The following PARP8 variants were observed in gnomAD, a reference collection of about 807,000 sequenced individuals.
PARP8 encodes protein mono-ADP-ribosyltransferase PARP8.
Under a neutral mutation model 124.1 loss-of-function variants are expected in PARP8, and 51 were observed. The observed-to-expected ratio is 0.41, with a 90% CI of 0.33 to 0.52. The LOEUF (loss-of-function observed/expected upper bound fraction) is 0.52. PARP8 is among the 20% of genes least tolerant of loss of function. PARP8 has a pLI of 0.21. For missense variants in PARP8, 860 were observed against 1,018.9 expected (o/e 0.84, Z 2.12); for synonymous variants, 391 against 361.5 (o/e 1.08, Z -0.93).
intron 3 of PARP8, among the ~76,000 whole-genome samples, chr5:50,754,321 A>G (rs770242813): frequency 6.6e-6 from 1 of 151,126 alleles, no homozygotes; most frequent in Non-Finnish European, 1.5e-5. Flanking sequence ...TCCTAATGCT[A>G]TCCCTCCCCC....
chr5:50,842,045 G>T lies in PARP8; in HGVS notation c.2542G>T (p.Gly848Cys). Reference sequence around the variant, plus strand: ...TCACAAAGAGATCCTCCGAGTAATTGGTAATCAAACTGCTACTGGTTAAAG... The same window carrying T: ...TCACAAAGAGATCCTCCGAGTAATTTGTAATCAAACTGCTACTGGTTAAAG... ...GIHKEILRVI[G>C]NQTATG is the part of the protein sequence containing the mutation. The change falls in exon 26 of 26, where the codon GGT becomes TGT. Residue 848 changes from glycine to cysteine, a missense_variant. This residue lies in a region of PARP8 where 343 missense variants were observed against 474.7 expected (regional missense o/e 0.72). Transcript: ENST00000281631. The T allele has an allele frequency of 1.9e-6, 3 of 1,602,724 alleles. No individual in the cohort carries two copies. Among genetic ancestry groups the T allele is most frequent in the Non-Finnish European group, 2.6e-6 (3 of 1,173,338 alleles).
At chr5:50,787,516 T>C (rs920514395) in intron 9 of PARP8, among the ~76,000 whole-genome samples, 1 of 152,172 alleles carries the variant, frequency 6.6e-6, no homozygotes, top group African/African-American at 2.4e-5. Context: ...TTTTTCCCCA[T>C]CTTTATTTTT....
At chr5:50,796,624 C>G (rs1742587145) in intron 12 of PARP8, among the ~76,000 whole-genome samples, 1 of 152,122 alleles carries the variant, frequency 6.6e-6, no homozygotes, top group Non-Finnish European at 1.5e-5. Flanking sequence ...ATAATTGTAT[C>G]TGATTGTAAA....
intron 2 of PARP8, chr5:50,742,031 A>C (rs1360581767): frequency 1.8e-5 from 5 of 275,576 alleles, no homozygotes; most frequent in Non-Finnish European, 3.6e-5. Context: ...GCTGGTCTCG[A>C]ACTCTTGAAC....
At chr5:50,740,209 A>G (rs1473854387) in intron 2 of PARP8, among the ~76,000 whole-genome samples, 1 of 152,176 alleles carries the variant, frequency 6.6e-6, no homozygotes. Context: ...AAGTCATACA[A>G]TCAGCCATAT....
At chr5:50,778,245 G>A (rs1740261959) in intron 8 of PARP8, 116 bp downstream of exon 8, 2 of 770,022 alleles carry the variant, frequency 2.6e-6, no homozygotes, top group African/African-American at 1.8e-5. Context: ...CATATTGACT[G>A]TTAAGGTGCT....
At chr5:50,751,783 C>T (rs1002347838) in intron 3 of PARP8, among the ~76,000 whole-genome samples, 2 of 152,032 alleles carry the variant, frequency 1.3e-5, no homozygotes, top group African/African-American at 4.8e-5. Flanking sequence ...TTCTGATTCC[C>T]GTTGCCTCTG....
chr5:50,818,483 G>A (rs1038529127), intron 15 of PARP8, among the ~76,000 whole-genome samples: 1 of 152,146 alleles, frequency 6.6e-6, no homozygotes, highest in Non-Finnish European at 1.5e-5. Context: ...TCCCGCCTCA[G>A]CCTCCTGAAG....
chr5:50,668,013 A>G, intron 1 of PARP8, 58 bp from the exon 2 acceptor site: 3 of 1,610,684 alleles, frequency 1.9e-6, no homozygotes, highest in South Asian at 1.1e-5. Context: ...TCAAGTCCTG[A>G]TCGGGGTTAA....
chr5:50,794,324 T>C lies in PARP8; in HGVS notation c.855T>C (p.Thr285=). The C allele has an allele frequency of 6.2e-7, 1 of 1,613,008 alleles. No homozygotes were observed. The highest frequency in any genetic ancestry group is 1.1e-5 in the South Asian group (1 of 90,970). Residue 285 remains threonine, a synonymous_variant, in exon 11 of 26, where the codon ACT becomes ACC. Transcript: ENST00000281631. ...KVKSPLHLFS[T]LRRSPSYPPP... Reference sequence around the variant, plus strand: ...AGTCTCCCCTGCATTTATTTTCTACTTTGCGCAGGTTGGTAACAGGCAACT... The same window carrying C: ...AGTCTCCCCTGCATTTATTTTCTACCTTGCGCAGGTTGGTAACAGGCAACT...
intron 10 of PARP8, among the ~76,000 whole-genome samples, chr5:50,792,891 T>C (rs1742124262): frequency 6.6e-6 from 1 of 152,168 alleles, no homozygotes; most frequent in Admixed American, 6.6e-5. Flanking sequence ...TGATATACTT[T>C]CTGGCGATCT....
intron 2 of PARP8, among the ~76,000 whole-genome samples, chr5:50,718,769 A>G (rs2149499030): frequency 6.6e-6 from 1 of 152,150 alleles, no homozygotes; most frequent in South Asian, 2.1e-4. Flanking sequence ...CTAATAGTGC[A>G]TCAGTAAGCA....
Position 50,725,773 on chromosome 5 carries a change from T to C in PARP8, c.147-24378T>C, listed in dbSNP as rs184559592. Among the ~76,000 whole-genome samples the C allele has an allele frequency of 3.3e-5, 5 of 152,322 alleles. No individual in the cohort carries two copies. In the South Asian group the frequency reaches 8.3e-4, roughly 25 times the overall value. Reference sequence around the variant, plus strand: ...TAAATTGCAATAGAAGTAGATCTGCTGGATCTTAAGATAGTCTTTCTAAAA... The same window carrying C: ...TAAATTGCAATAGAAGTAGATCTGCCGGATCTTAAGATAGTCTTTCTAAAA... On this transcript the variant is annotated intron_variant, in intron 2 of 25. Transcript: ENST00000281631.
chr5:50,667,848 A>C (rs1749526007), intron 1 of PARP8: 2 of 1,327,496 alleles, frequency 1.5e-6, no homozygotes, highest in African/African-American at 1.5e-5. Context: ...CGCTGTTGCC[A>C]TGGCACCCGG....
intron 18 of PARP8, among the ~76,000 whole-genome samples, chr5:50,825,581 G>T (rs191782337): frequency 2.2e-4 from 34 of 152,226 alleles, no homozygotes; most frequent in African/African-American, 8.2e-4. Flanking sequence ...CAAATAATTT[G>T]CCCTCTTCTA....
intron 14 of PARP8, among the ~76,000 whole-genome samples, chr5:50,807,444 A>G (rs1166816044): frequency 6.6e-6 from 1 of 152,064 alleles, no homozygotes; most frequent in Admixed American, 6.6e-5. Flanking sequence ...ACAAAACCAA[A>G]CCAAAACCAA....
At chr5:50,818,180 C>G (rs924420357) in intron 15 of PARP8, among the ~76,000 whole-genome samples, 49 of 132,686 alleles carry the variant, frequency 3.7e-4, no homozygotes, top group African/African-American at 1.0e-3. Context: ...CATTTAGCCC[C>G]CCCCCCCCCA....
intron 2 of PARP8, among the ~76,000 whole-genome samples, chr5:50,697,440 G>A (rs1473783281): frequency 9.9e-5 from 15 of 152,276 alleles, no homozygotes; most frequent in Non-Finnish European, 7.3e-5. Context: ...ACTTAAATCA[G>A]TATGTTAATA....
At position 50,795,231 on chromosome 5, in the gene PARP8, T is replaced by A. The variant is rs1742404100; in HGVS notation, c.1242T>A (p.Asn414Lys). ...TGTTAAGCAGGTCTTACTCTAGTAA[T>A]CTCAGAATGGAAGAATTATATGGAC... ...HKLLSRSYSS[N>K]LRMEELYGLK... is the part of the protein sequence containing the mutation. Residue 414 changes from asparagine (N) to lysine (K), a missense_variant, in exon 12 of 26, where the codon AAT becomes AAA. Physicochemically the swap from Asn to Lys is moderately conservative, Grantham distance 94 (BLOSUM62 0). Transcript: ENST00000281631. The A allele has an allele frequency of 6.2e-7, 1 of 1,614,022 alleles. No individual in the cohort carries two copies. Among genetic ancestry groups the A allele is most frequent in the South Asian group, 1.1e-5 (1 of 91,084 alleles).
Sources: allele counts gnomAD v4.1 joint callset (sites outside exome capture counted in the v4.1 genomes callset), GRCh38; gene constraint gnomAD v4.1.1; regional missense constraint gnomAD v4.1.1; transcripts MANE v1.5; gene names NCBI Gene and HGNC (gene_info 2026-07-23, HGNC 2026-07-21).